Variants in GGACT observed in about 807,000 individuals in gnomAD.
GGACT encodes the protein gamma-glutamylaminecyclotransferase.
For synonymous variants in GGACT, 118 were observed against 115.3 expected, an observed-to-expected ratio of 1.02 and a Z score of -0.15; for missense variants, 241 against 233.2, an observed-to-expected ratio of 1.03 and a Z score of -0.22.
intron 2 of GGACT, among the ~76,000 whole-genome samples, chr13:100,556,050 A>T (rs1260751214): frequency 6.6e-6 from 1 of 152,238 alleles, no homozygotes; most frequent in Non-Finnish European, 1.5e-5. Context: ...GTAGTGAATA[A>T]TCAAGTACTT....
chr13:100,573,572 C>G (rs1205319970), intron 2 of GGACT, among the ~76,000 whole-genome samples: 1 of 152,044 alleles, frequency 6.6e-6, no homozygotes, highest in Non-Finnish European at 1.5e-5. Context: ...AGGCTGGTCT[C>G]AAACTCCTGG....
At chr13:100,560,011 C>T (rs1446130264) in intron 2 of GGACT, among the ~76,000 whole-genome samples, 3 of 152,170 alleles carry the variant, frequency 2.0e-5, no homozygotes, top group African/African-American at 7.2e-5. Flanking sequence ...CCAAAGACTA[C>T]ATCCCGTATG....
rs1260731898 is a variant in GGACT, at chr13:100,532,334, G to A, written c.258C>T (p.Ala86=). Reference sequence around the variant, plus strand: ...CCCGCAGCACCGTGCGCTGGTACAGGGCCGGGCAACTCTCGAAGTCATCCA... The same window carrying A: ...CCCGCAGCACCGTGCGCTGGTACAGAGCCGGGCAACTCTCGAAGTCATCCA... ...RFLDDFESCP[A]LYQRTVLRVQ... The change falls in exon 3 of 3, where the codon GCC becomes GCT. Residue 86 remains alanine (A), a synonymous_variant. Transcript: ENST00000683975. The A allele has an allele frequency of 1.3e-6, 2 of 1,550,494 alleles. No individual in the cohort carries two copies. The highest frequency in any genetic ancestry group is 1.2e-5 in the South Asian group (1 of 84,030).
At chr13:100,551,653 T>TGTCCAGGGGGCACCTGTGCC in intron 2 of GGACT, among the ~76,000 whole-genome samples, 1 of 152,312 alleles carries the variant, frequency 6.6e-6, no homozygotes, top group East Asian at 1.9e-4. Flanking sequence ...CAGGCTGTGC[T>TGTCCAGGGGGCACCTGTGCC]GTCCAGGGGG....
intron 2 of GGACT, among the ~76,000 whole-genome samples, chr13:100,571,955 C>A (rs954875333): frequency 6.6e-6 from 1 of 152,176 alleles, no homozygotes; most frequent in African/African-American, 2.4e-5. Flanking sequence ...CTTACTCAAA[C>A]ATACAAAAAG....
At chr13:100,558,133 T>C (rs2088725271) in intron 2 of GGACT, among the ~76,000 whole-genome samples, 1 of 149,492 alleles carries the variant, frequency 6.7e-6, no homozygotes, top group African/African-American at 2.5e-5. Flanking sequence ...TGAGCTGAGA[T>C]TGTGCCACTG....
chr13:100,543,765 G>A (rs980191032), intron 2 of GGACT, among the ~76,000 whole-genome samples: 5 of 152,238 alleles, frequency 3.3e-5, no homozygotes, highest in Admixed American at 6.5e-5. Context: ...GAGGGGCTCT[G>A]CCACTGGCCA....
At chr13:100,538,473 A>T (rs575328247) in intron 2 of GGACT, 2 of 152,352 alleles carry the variant, frequency 1.3e-5, no homozygotes, top group African/African-American at 4.8e-5. Flanking sequence ...ATTTATCATA[A>T]CTATTTTCAA....
intron 2 of GGACT, among the ~76,000 whole-genome samples, chr13:100,578,158 A>G (rs1875308858): frequency 6.6e-6 from 1 of 151,960 alleles, no homozygotes. Flanking sequence ...CACCAAGTGC[A>G]CTCCTCTTTT....
intron 2 of GGACT, among the ~76,000 whole-genome samples, chr13:100,556,603 G>A (rs1481675902): frequency 6.7e-6 from 1 of 150,008 alleles, no homozygotes; most frequent in Non-Finnish European, 1.5e-5. Flanking sequence ...TTTTTTTTTT[G>A]TAGAAATTGA....
In GGACT at chr13:100,532,427, G is replaced by A. The variant is rs796872089; in HGVS notation, c.165C>T (p.His55=). ...AGEHNIPWLL[H]LPGSGRLVEG... ...CCACGAGGCGCCCCGAGCCGGGCAG[G>A]TGCAGCAGCCACGGGATGTTGTGCT... is the stretch of plus-strand genomic sequence containing the variant. The change falls in exon 3 of 3, where the codon CAC becomes CAT. Residue 55 remains histidine (H), a synonymous_variant. Transcript: ENST00000683975. 2.6e-6 allele frequency: 4 copies of A among 1,550,040 alleles called. No homozygotes were observed. The highest frequency in any genetic ancestry group is 3.5e-6 in the Non-Finnish European group (4 of 1,146,638).
chr13:100,583,289 C>A (rs889123650), intron 2 of GGACT, among the ~76,000 whole-genome samples: 49 of 151,994 alleles, frequency 3.2e-4, no homozygotes, highest in African/African-American at 1.2e-3. Context: ...AACAAAGACA[C>A]TATAAAGGGG....
At chr13:100,532,671 C>T (rs2088430580) in intron 2 of GGACT, 70 bp from the exon 3 acceptor site, 2 of 1,295,448 alleles carry the variant, frequency 1.5e-6, no homozygotes, top group Non-Finnish European at 2.1e-6. Context: ...GGACGTGGCT[C>T]CCGGCCCACA....
intron 1 of GGACT, among the ~76,000 whole-genome samples, chr13:100,585,472 T>C (rs752281413): frequency 4.0e-5 from 6 of 151,856 alleles, no homozygotes; most frequent in African/African-American, 1.5e-4. Context: ...CTGCCCTAGA[T>C]TGAAAGGGGC....
intron 2 of GGACT, among the ~76,000 whole-genome samples, chr13:100,560,113 T>C (rs2088746203): frequency 6.6e-6 from 1 of 151,944 alleles, no homozygotes; most frequent in South Asian, 2.1e-4. Flanking sequence ...GGAGACTGAC[T>C]GCAAAGAGGC....
chr13:100,532,877 T>C (rs1399863298), intron 2 of GGACT, among the ~76,000 whole-genome samples: 1 of 152,232 alleles, frequency 6.6e-6, no homozygotes, highest in East Asian at 1.9e-4. Context: ...CTCTAACCTG[T>C]GGGCATGGTG....
chr13:100,563,387 G>A (rs796801968), intron 2 of GGACT, among the ~76,000 whole-genome samples: 4 of 152,180 alleles, frequency 2.6e-5, no homozygotes, highest in African/African-American at 9.6e-5. Context: ...AAAATGTTCT[G>A]GAACTAGACA....
At chr13:100,563,649 TTTACA>T (rs1245898368) in intron 2 of GGACT, among the ~76,000 whole-genome samples, 1 of 152,208 alleles carries the variant, frequency 6.6e-6, no homozygotes, top group Non-Finnish European at 1.5e-5. Flanking sequence ...AGACCCTGTC[TTTACA>T]TTAATTAATT....
intron 2 of GGACT, among the ~76,000 whole-genome samples, chr13:100,546,945 G>A (rs1239058701): frequency 6.6e-6 from 1 of 152,202 alleles, no homozygotes; most frequent in African/African-American, 2.4e-5. Flanking sequence ...CCCGGCGCAT[G>A]CAGTAGGCAC....
Sources: gnomAD v4.1 joint callset for allele counts (sites outside exome capture counted in the v4.1 genomes callset) on GRCh38, gnomAD v4.1.1 for gene constraint, MANE v1.5 for transcripts, NCBI Gene and HGNC (gene_info 2026-07-23, HGNC 2026-07-21) for gene names.